TPM1: variants seen among roughly 807,000 people sequenced by gnomAD.
TPM1 encodes tropomyosin 1.
Under a neutral mutation model 42.9 loss-of-function variants are expected in TPM1, and 24 were observed. The ratio of observed to expected loss-of-function variants is 0.56; its 90% CI spans 0.41 to 0.79. The LOEUF is 0.79. Among genes scored for constraint, TPM1 ranks in the 30% least tolerant of loss-of-function variants. The pLI is 0.00. For synonymous variants in TPM1, 136 were observed against 130.1 expected, an observed-to-expected ratio of 1.05 and a Z score of -0.31; for missense variants, 158 against 351.8, an observed-to-expected ratio of 0.45 and a Z score of 4.41.
chr15:63,045,851 T>C (rs982326686), intron 2 of TPM1: 1 of 152,184 alleles, frequency 6.6e-6, no homozygotes, highest in Non-Finnish European at 1.5e-5. Context: ...TTTTGGTTAT[T>C]TTTCCCACCG....
At chr15:63,053,095 A>G (rs2034196931) in intron 2 of TPM1, among the ~76,000 whole-genome samples, 1 of 152,192 alleles carries the variant, frequency 6.6e-6, no homozygotes, top group Non-Finnish European at 1.5e-5. Context: ...GGCAGTAGGC[A>G]TTGACTTCTG....
In TPM1 at chr15:63,042,760, C is replaced by A; in HGVS notation, c.-70C>A. 7.4e-7 allele frequency: 1 copy of A among 1,342,988 alleles called. No homozygotes were observed. The highest frequency in any genetic ancestry group is 1.1e-6 in the Non-Finnish European group (1 of 947,986). 83.2% of individuals were successfully genotyped at this position (1,342,988 alleles called of 1,614,324 possible). On this transcript the variant is annotated 5_prime_UTR_variant, in exon 1 of 10. Coordinates refer to ENST00000403994, the MANE Select transcript of TPM1 (RefSeq NM_001018005.2). ...AGGCGGCTCCGCGCTCGCACTCCCGCTCCTCCGCCCGACCGCGCGCTCGCC... is the reference window on the plus strand; with the variant it reads ...AGGCGGCTCCGCGCTCGCACTCCCGATCCTCCGCCCGACCGCGCGCTCGCC...
At chr15:63,070,703 C>T (rs2036559249), downstream of TPM1, 1 of 1,048,834 alleles carries the variant, frequency 9.5e-7, no homozygotes, top group Non-Finnish European at 1.2e-6. Context: ...TTTTAACTGC[C>T]TGTACCTTGG....
intron 9 of TPM1, chr15:63,065,044 G>A: frequency 1.0e-6 from 1 of 985,236 alleles, no homozygotes; most frequent in African/African-American, 1.7e-5. Flanking sequence ...TTTATGAAAG[G>A]AATTAAAATA....
downstream of TPM1, chr15:63,070,155 A>G (rs2036525438): frequency 7.1e-7 from 1 of 1,400,254 alleles, no homozygotes; most frequent in African/African-American, 1.4e-5. Context: ...AACAGCTTTT[A>G]TGGTAGAATA....
intron 1 of TPM1, chr15:63,043,244 C>T (rs1020753047): frequency 3.9e-6 from 2 of 517,728 alleles, no homozygotes; most frequent in Non-Finnish European, 7.2e-6. Flanking sequence ...GAGGAGGACA[C>T]CCGGTTCCTG....
chr15:63,061,909 T>C, intron 6 of TPM1, 121 bp downstream of exon 6: 2 of 893,462 alleles, frequency 2.2e-6, no homozygotes, highest in East Asian at 5.2e-5. Context: ...TGAGGTGATT[T>C]TTGGAGAGTT....
At chr15:63,070,396 A>G, downstream of TPM1, 1 of 996,544 alleles carries the variant, frequency 1.0e-6, no homozygotes, top group Non-Finnish European at 1.2e-6. Context: ...AATATGATTA[A>G]ATGTACCTAT....
chr15:63,060,775 A>G, intron 4 of TPM1, 94 bp from the exon 5 acceptor site: 3 of 1,372,524 alleles, frequency 2.2e-6, no homozygotes, highest in Non-Finnish European at 3.1e-6. Context: ...CAAAACCCTT[A>G]GGGCCTGATG....
chr15:63,061,206 G>T, intron 5 of TPM1: 1 of 1,614,124 alleles, frequency 6.2e-7, no homozygotes, highest in Non-Finnish European at 8.5e-7. Flanking sequence ...AGCCAAGTCC[G>T]ACAGCTGGAA....
intron 7 of TPM1, 83 bp from the exon 8 acceptor site, chr15:63,062,493 A>C (rs1331949097): frequency 6.6e-7 from 1 of 1,520,280 alleles, no homozygotes; most frequent in Admixed American, 1.7e-5. Flanking sequence ...GATGTGCTTC[A>C]TTTTCATCCT....
At chr15:63,069,645 A>G (rs2036493932), downstream of TPM1, among the ~76,000 whole-genome samples, 1 of 152,132 alleles carries the variant, frequency 6.6e-6, no homozygotes, top group Non-Finnish European at 1.5e-5. Context: ...TTTCCTCACC[A>G]AGAGAGAAAT....
chr15:63,062,561 A>T lies in TPM1; in HGVS notation c.703-15A>T. The T allele has an allele frequency of 6.2e-7, 1 of 1,614,176 alleles. No individual in the cohort carries two copies. The highest frequency in any genetic ancestry group is 8.5e-7 in the Non-Finnish European group (1 of 1,179,990). Reference sequence around the variant, plus strand: ...CATAAAACTTCCCAACTTTAACTCAAATAAATCATTACAGGCTGAGACTCG... The same window carrying T: ...CATAAAACTTCCCAACTTTAACTCATATAAATCATTACAGGCTGAGACTCG... On this transcript the variant is annotated splice_polypyrimidine_tract_variant and intron_variant, in intron 7 of 9. Transcript: ENST00000403994.
chr15:63,043,736 T>C (rs1263243188), intron 1 of TPM1: 1 of 1,549,032 alleles, frequency 6.5e-7, no homozygotes, highest in East Asian at 2.4e-5. Context: ...CAAGGAGAAG[T>C]TGCTGCGGGT....
chr15:63,069,066 T>C (rs574471936), downstream of TPM1, among the ~76,000 whole-genome samples: 1,834 of 152,164 alleles, frequency 0.012, 15 homozygotes, highest in Non-Finnish European at 0.018. Flanking sequence ...GGCAGGAGAT[T>C]GGCATGAACC....
At chr15:63,063,222 T>G (rs994961204) in intron 8 of TPM1, 1 of 985,310 alleles carries the variant, frequency 1.0e-6, no homozygotes, top group African/African-American at 1.7e-5. Flanking sequence ...ATGTTGAGCT[T>G]TGAAGCTTGT....
At chr15:63,071,677 G>A (rs1004839144) in exon 9 of TPM1, 2 of 183,222 alleles carry the variant, frequency 1.1e-5, no homozygotes, top group African/African-American at 4.8e-5. Context: ...CTAAAGCCAA[G>A]GGTCTGTAAG....
At position 63,042,773 on chromosome 15, in the gene TPM1, C is replaced by A; in HGVS notation, c.-57C>A. On this transcript the variant is annotated 5_prime_UTR_variant, in exon 1 of 10. Coordinates refer to ENST00000403994, the MANE Select transcript of TPM1 (RefSeq NM_001018005.2). The stretch of plus-strand genomic sequence containing the variant: ...CTCGCACTCCCGCTCCTCCGCCCGA[C>A]CGCGCGCTCGCCCCGCCGCTCCTGC... 6.7e-7 allele frequency: 1 copy of A among 1,488,856 alleles called. No homozygotes were observed. 92.2% of individuals were successfully genotyped at this position (1,488,856 alleles called of 1,614,324 possible). A position where few individuals can be genotyped will look rare whatever the true frequency, so the allele number is the denominator to read the frequency against.
chr15:63,043,026 G>A, intron 1 of TPM1, 83 bp downstream of exon 1: 1 of 1,258,268 alleles, frequency 7.9e-7, no homozygotes, highest in Non-Finnish European at 1.1e-6. Context: ...CCACCCCGAG[G>A]ACTCGGGGAG....
Sources: allele counts gnomAD v4.1 joint callset (sites outside exome capture counted in the v4.1 genomes callset), GRCh38; gene constraint gnomAD v4.1.1; transcripts MANE v1.5; gene names NCBI Gene and HGNC (gene_info 2026-07-23, HGNC 2026-07-21).